Variants in STARD6 observed in about 807,000 individuals in gnomAD.
STARD6 encodes the protein stAR-related lipid transfer protein 6.
A neutral mutation model predicts 22.3 loss-of-function variants in STARD6; 21 were observed. That is an observed-to-expected ratio of 0.94 (90% CI 0.67 to 1.35). STARD6 has a LOEUF of 1.35. STARD6 is among the 40% of genes most tolerant of loss of function. The pLI, the probability that STARD6 is intolerant of heterozygous loss-of-function variation, is 0.00. For synonymous variants in STARD6, 80 were observed against 88.1 expected (o/e 0.91, Z 0.52); for missense variants, 269 against 266.9 (o/e 1.01, Z -0.05).
chr18:54,344,436 C>G, intron 4 of STARD6, among the ~76,000 whole-genome samples: 1 of 85,218 alleles, frequency 1.2e-5, no homozygotes. Flanking sequence ...ACAAACACTG[C>G]GGAAGGCCGC....
In STARD6 at chr18:54,324,736, T is replaced by C. The variant is rs745836652; in HGVS notation, c.619A>G (p.Arg207Gly). Residue 207 changes from arginine to glycine, a missense_variant, in exon 8 of 8, where the codon AGA (arginine) becomes GGA (glycine). Coordinates refer to ENST00000307844, the MANE Select transcript of STARD6 (RefSeq NM_139171.2). Reference protein sequence around the residue: ...LNAKDGIKAHRTPSRRGFHHN... With the variant: ...LNAKDGIKAHGTPSRRGFHHN... ...TGAAATCCACGTCTTGATGGAGTTC[T>C]GTGTGCCTTTATTCCATCTTTTGCA... is the stretch of plus-strand genomic sequence containing the variant. 9 of 1,613,134 alleles carry C rather than the reference T, an allele frequency of 5.6e-6. No individual in the cohort carries two copies. In the African/African-American group the frequency reaches 1.1e-4, roughly 19 times the overall value.
intron 2 of STARD6, chr18:54,355,929 T>C (rs1047510251): frequency 3.3e-5 from 5 of 152,224 alleles, no homozygotes; most frequent in Non-Finnish European, 7.3e-5. Flanking sequence ...TTTGGATAAA[T>C]TGCTTAACCT....
At chr18:54,325,554 C>G (rs949221080) in intron 7 of STARD6, among the ~76,000 whole-genome samples, 1 of 144,998 alleles carries the variant, frequency 6.9e-6, no homozygotes, top group African/African-American at 2.5e-5. Context: ...TCCATTTATG[C>G]TTTTTTTTTT....
In STARD6 at chr18:54,330,192, T is replaced by C. The variant is rs1031283637; in HGVS notation, c.386-752A>G. ...TGATATGATTTTAACATAAAGCAAATCAATTCCATGGGAAATACAATGTAA... is the reference window on the plus strand; with the variant it reads ...TGATATGATTTTAACATAAAGCAAACCAATTCCATGGGAAATACAATGTAA... On this transcript the variant is annotated intron_variant, in intron 6 of 7. Coordinates refer to ENST00000307844, the MANE Select transcript of STARD6 (RefSeq NM_139171.2). 1.2e-4 allele frequency among the ~76,000 whole-genome samples: 18 copies of C among 152,054 alleles called. 1 individual carries two copies. The highest frequency in any genetic ancestry group is 8.8e-5 in the Non-Finnish European group (6 of 67,910).
rs560235985 is a variant in STARD6 at position 54,355,008 on chromosome 18, C to T, written c.-4-431G>A. Reference sequence around the variant, plus strand: ...TTTAATTTCTAACAGTTTAATCACACGTCCTTTGTCTTGTGAAGCATTATG... The same window carrying T: ...TTTAATTTCTAACAGTTTAATCACATGTCCTTTGTCTTGTGAAGCATTATG... On this transcript the variant is annotated intron_variant, in intron 2 of 7. Transcript: ENST00000307844. 2.0e-5 allele frequency among the ~76,000 whole-genome samples: 3 copies of T among 152,310 alleles called. No individual in the cohort carries two copies. In the South Asian group the frequency reaches 6.2e-4, roughly 32 times the overall value.
At chr18:54,349,340 G>C (rs1936239220) in intron 4 of STARD6, among the ~76,000 whole-genome samples, 1 of 152,110 alleles carries the variant, frequency 6.6e-6, no homozygotes, top group Non-Finnish European at 1.5e-5. Context: ...TGCCAGGCAA[G>C]AGGAGAGCAA....
At chr18:54,347,783 T>C (rs2089051025) in intron 4 of STARD6, among the ~76,000 whole-genome samples, 1 of 152,098 alleles carries the variant, frequency 6.6e-6, no homozygotes, top group Non-Finnish European at 1.5e-5. Flanking sequence ...GAACTCTTTA[T>C]TTTGGTCACA....
chr18:54,341,849 A>T (rs2088972066), intron 4 of STARD6, among the ~76,000 whole-genome samples: 1 of 152,164 alleles, frequency 6.6e-6, no homozygotes, highest in Non-Finnish European at 1.5e-5. Context: ...CCTAGCCTTT[A>T]ATTTTAGGAA....
In STARD6 at chr18:54,324,691, A is replaced by G. The variant is rs537696212; in HGVS notation, c.*1T>C. ...GAACGGCCTCATTTCTTCTTTTGGT[A>G]TCATGAATGACTATTATGATGAAAT... On this transcript the variant is annotated 3_prime_UTR_variant, in exon 8 of 8. Coordinates refer to ENST00000307844, the MANE Select transcript of STARD6 (RefSeq NM_139171.2). 7 of 1,612,098 alleles carry G rather than the reference A, an allele frequency of 4.3e-6. No homozygotes were observed. Among genetic ancestry groups the G allele is most frequent in the South Asian group, 2.2e-5 (2 of 90,660 alleles).
At chr18:54,355,267 T>C (rs190790599) in intron 2 of STARD6, among the ~76,000 whole-genome samples, 1 of 152,276 alleles carries the variant, frequency 6.6e-6, no homozygotes, top group African/African-American at 2.4e-5. Context: ...AATGTGTTCA[T>C]ATAACTGACT....
At chr18:54,332,608 C>T (rs2088874421) in intron 5 of STARD6, among the ~76,000 whole-genome samples, 1 of 152,216 alleles carries the variant, frequency 6.6e-6, no homozygotes, top group African/African-American at 2.4e-5. Flanking sequence ...TTTGTTCTCC[C>T]TCCTTGGTCT....
chr18:54,340,749 T>G (rs2088961871), intron 4 of STARD6, among the ~76,000 whole-genome samples: 1 of 152,182 alleles, frequency 6.6e-6, no homozygotes, highest in Non-Finnish European at 1.5e-5. Flanking sequence ...AAAGATACGC[T>G]TTAAATTCAA....
intron 4 of STARD6, among the ~76,000 whole-genome samples, chr18:54,342,544 G>T (rs2088982141): frequency 7.3e-6 from 1 of 136,936 alleles, no homozygotes; most frequent in African/African-American, 2.9e-5. Flanking sequence ...CTGTACTGCT[G>T]CCATCTCGGC....
intron 4 of STARD6, among the ~76,000 whole-genome samples, chr18:54,349,964 T>A (rs535098952): frequency 6.6e-6 from 1 of 152,332 alleles, no homozygotes; most frequent in African/African-American, 2.4e-5. Flanking sequence ...TGTGTCTTTT[T>A]CATATAATGA....
chr18:54,328,931 G>C (rs2088845194), intron 7 of STARD6, among the ~76,000 whole-genome samples: 1 of 152,138 alleles, frequency 6.6e-6, no homozygotes, highest in Non-Finnish European at 1.5e-5. Context: ...TTAGTAGGTA[G>C]TCCATTGGGA....
intron 7 of STARD6, among the ~76,000 whole-genome samples, 187 bp from the exon 8 acceptor site, chr18:54,325,062 T>A (rs572142493): frequency 2.0e-5 from 3 of 152,286 alleles, no homozygotes; most frequent in Admixed American, 6.5e-5. Context: ...TTCCTTTTTG[T>A]CATTTTATTG....
At chr18:54,331,018 G>A (rs967713297) in intron 6 of STARD6, among the ~76,000 whole-genome samples, 1 of 151,960 alleles carries the variant, frequency 6.6e-6, no homozygotes, top group Admixed American at 6.6e-5. Context: ...AAGATATCTC[G>A]GAGGAACTGA....
At chr18:54,330,293 A>G (rs973836505) in intron 6 of STARD6, among the ~76,000 whole-genome samples, 1 of 152,154 alleles carries the variant, frequency 6.6e-6, no homozygotes, top group Middle Eastern at 3.4e-3. Context: ...CAGAGCCTAT[A>G]ATAGTACTGC....
chr18:54,327,291 T>C (rs1343657801), intron 7 of STARD6, among the ~76,000 whole-genome samples: 2 of 152,218 alleles, frequency 1.3e-5, no homozygotes, highest in East Asian at 3.8e-4. Flanking sequence ...AGAAGGCATA[T>C]ATATATTTTT....
Sources: allele counts gnomAD v4.1 joint callset (sites outside exome capture counted in the v4.1 genomes callset), GRCh38; gene constraint gnomAD v4.1.1; transcripts MANE v1.5; gene names NCBI Gene and HGNC (gene_info 2026-07-23, HGNC 2026-07-21).